Variants in FRMD6 observed in about 807,000 individuals in gnomAD.
The protein encoded by FRMD6 is FERM domain-containing protein 6.
Under a neutral mutation model 73.2 loss-of-function variants are expected in FRMD6, and 37 were observed. That is an observed-to-expected ratio of 0.51 (90% confidence interval 0.39 to 0.66). The LOEUF (loss-of-function observed/expected upper bound fraction) is 0.66. FRMD6 is among the 30% of genes least tolerant of loss of function. The pLI is 0.00. For synonymous variants in FRMD6, 273 were observed against 282.2 expected, an observed-to-expected ratio of 0.97 and a Z score of 0.33; for missense variants, 714 against 780.5, an observed-to-expected ratio of 0.91 and a Z score of 1.02.
At chr14:51,690,642 A>G (rs1895491778) in intron 2 of FRMD6, among the ~76,000 whole-genome samples, 1 of 152,164 alleles carries the variant, frequency 6.6e-6, no homozygotes, top group Non-Finnish European at 1.5e-5. Flanking sequence ...TCAGCCTCCC[A>G]TAGTGCTGGG....
At chr14:51,406,297 C>G in the FRMD6 span, among the ~76,000 whole-genome samples, 1 of 151,628 alleles carries the variant, frequency 6.6e-6, no homozygotes, top group Non-Finnish European at 1.5e-5. Context: ...TTAGGATTAC[C>G]TTGGCTATTC....
intron 1 of FRMD6, among the ~76,000 whole-genome samples, chr14:51,560,053 T>C (rs1887390130): frequency 6.8e-6 from 1 of 146,574 alleles, no homozygotes; most frequent in Non-Finnish European, 1.5e-5. Flanking sequence ...TTTTCTATCC[T>C]GGGACTATAC....
intron 2 of FRMD6, among the ~76,000 whole-genome samples, chr14:51,624,664 T>C (rs1891053292): frequency 6.6e-6 from 1 of 152,142 alleles, no homozygotes; most frequent in Non-Finnish European, 1.5e-5. Flanking sequence ...GCTTAGCGAG[T>C]GGACAAGAGT....
intron 2 of FRMD6, among the ~76,000 whole-genome samples, chr14:51,620,962 A>G (rs1890905039): frequency 6.6e-6 from 1 of 152,212 alleles, no homozygotes; most frequent in Non-Finnish European, 1.5e-5. Flanking sequence ...TTCAGGGAGA[A>G]GCATCCAGGC....
At chr14:51,611,279 C>T (rs1352576711) in intron 2 of FRMD6, among the ~76,000 whole-genome samples, 2 of 152,096 alleles carry the variant, frequency 1.3e-5, no homozygotes, top group African/African-American at 4.8e-5. Flanking sequence ...CCAGAACTTC[C>T]CATAGAAATT....
At chr14:51,571,988 C>G (rs373620639) in intron 2 of FRMD6, among the ~76,000 whole-genome samples, 4 of 152,232 alleles carry the variant, frequency 2.6e-5, no homozygotes, top group African/African-American at 9.6e-5. Flanking sequence ...AGACCAGCAG[C>G]AACACCACTA....
intron 2 of FRMD6, among the ~76,000 whole-genome samples, chr14:51,607,419 G>A (rs1322699620): frequency 6.6e-6 from 1 of 152,198 alleles, no homozygotes; most frequent in Non-Finnish European, 1.5e-5. Context: ...ACCAAAGAAA[G>A]AATTGGCCCT....
chr14:51,568,606 C>G lies in FRMD6; in HGVS notation c.-209-1742C>G, dbSNP rs1887914303. ...AGAACAGCTGGGCATGTGTGCCAGG[C>G]TGCCCAAGGATGGTTCTGGGAGTGG... is the stretch of plus-strand genomic sequence containing the variant. On this transcript the variant is annotated intron_variant, in intron 1 of 14. Coordinates refer to the FRMD6 transcript ENST00000356218. Among the ~76,000 whole-genome samples the G allele has an allele frequency of 2.0e-5, 3 of 152,302 alleles. No individual in the cohort carries two copies. In the South Asian group the frequency reaches 6.2e-4, roughly 32 times the overall value.
the FRMD6 span, among the ~76,000 whole-genome samples, chr14:51,400,504 C>T: frequency 5.3e-5 from 8 of 152,164 alleles, no homozygotes; most frequent in Non-Finnish European, 2.9e-5. Context: ...CCTAATTAAT[C>T]AGTATTTTTA....
At chr14:51,551,668 T>A (rs1364445479) in intron 1 of FRMD6, among the ~76,000 whole-genome samples, 2 of 151,960 alleles carry the variant, frequency 1.3e-5, no homozygotes, top group East Asian at 3.9e-4. Flanking sequence ...GCCCAGGAGG[T>A]CAAGGCTGCA....
At chr14:51,633,987 G>A (rs1430221704) in intron 2 of FRMD6, among the ~76,000 whole-genome samples, 1 of 150,926 alleles carries the variant, frequency 6.6e-6, no homozygotes, top group Non-Finnish European at 1.5e-5. Flanking sequence ...CAGGTTTACA[G>A]AACATGCCTG....
intron 1 of FRMD6, among the ~76,000 whole-genome samples, chr14:51,552,786 G>A (rs185151095): frequency 6.6e-6 from 1 of 152,262 alleles, no homozygotes; most frequent in Admixed American, 6.5e-5. Flanking sequence ...TTAAGCTGAG[G>A]AACTGTTTAA....
At chr14:51,706,431 A>G (rs954239008) in intron 6 of FRMD6, among the ~76,000 whole-genome samples, 2 of 152,044 alleles carry the variant, frequency 1.3e-5, no homozygotes, top group Non-Finnish European at 2.9e-5. Context: ...AGTGAAGCTC[A>G]GGCTCCCATG....
At chr14:51,605,595 A>G (rs1307014258) in intron 2 of FRMD6, among the ~76,000 whole-genome samples, 1 of 152,140 alleles carries the variant, frequency 6.6e-6, no homozygotes, top group Non-Finnish European at 1.5e-5. Flanking sequence ...ATGCTGAGAG[A>G]GAATATATAC....
At chr14:51,644,640 TAA>T (rs1046857862) in intron 2 of FRMD6, among the ~76,000 whole-genome samples, 2 of 152,334 alleles carry the variant, frequency 1.3e-5, no homozygotes, top group African/African-American at 4.8e-5. Flanking sequence ...ATTTGTATAT[TAA>T]GTCTGTATTG....
At chr14:51,551,768 T>C (rs1048464833) in intron 1 of FRMD6, among the ~76,000 whole-genome samples, 1 of 151,846 alleles carries the variant, frequency 6.6e-6, no homozygotes, top group African/African-American at 2.4e-5. Flanking sequence ...GAATATATAA[T>C]ATATGTAATA....
the FRMD6 span, among the ~76,000 whole-genome samples, chr14:51,417,612 TC>T: frequency 6.6e-6 from 1 of 152,222 alleles, no homozygotes; most frequent in African/African-American, 2.4e-5. Flanking sequence ...CCTGGGTGAA[TC>T]TGACAATTAT....
At chr14:51,412,086 T>TA in the FRMD6 span, among the ~76,000 whole-genome samples, 44,540 of 151,970 alleles carry the variant, frequency 0.29, 7,206 homozygotes, top group East Asian at 0.58. Flanking sequence ...GTTGGCACGT[T>TA]ATATAGTTTG....
chr14:51,701,164 G>T lies in FRMD6; in HGVS notation c.294+5G>T. ...CGACAATACGAAGTCACTTGGGTGA[G>T]ATTACATTTATAAGCAAAATTATTT... On this transcript the variant is annotated splice_donor_5th_base_variant and intron_variant, in intron 4 of 13. Transcript: ENST00000344768. 1 of 1,504,920 alleles carries T rather than the reference G, an allele frequency of 6.6e-7. No homozygotes were observed. Among genetic ancestry groups the T allele is most frequent in the Non-Finnish European group, 9.0e-7 (1 of 1,109,096 alleles). The allele number at this position is 1,504,920 out of a possible 1,614,324, so 93.2% of individuals were successfully genotyped here.
Sources: gnomAD v4.1 joint callset for allele counts (sites outside exome capture counted in the v4.1 genomes callset) on GRCh38, gnomAD v4.1.1 for gene constraint, MANE v1.5 for transcripts, NCBI Gene and HGNC (gene_info 2026-07-23, HGNC 2026-07-21) for gene names.